Variants in FRRS1 observed in about 807,000 individuals in gnomAD.
The protein encoded by FRRS1 is ferric chelate reductase 1.
In FRRS1, 51 loss-of-function variants were observed where a neutral mutation model predicts 70.7. The observed-to-expected ratio is 0.72, with a 90% CI of 0.58 to 0.91. FRRS1 has a LOEUF of 0.91. Among genes scored for constraint, FRRS1 ranks in the 40% least tolerant of loss-of-function variants. The pLI is 0.00. For missense variants in FRRS1, 672 were observed against 726.0 expected (o/e 0.93, Z 0.86); for synonymous variants, 225 against 238.7 (o/e 0.94, Z 0.53).
chr1:99,712,783 G>A (rs1328858743), intron 12 of FRRS1, among the ~76,000 whole-genome samples: 1 of 152,208 alleles, frequency 6.6e-6, no homozygotes, highest in Non-Finnish European at 1.5e-5. Flanking sequence ...GAGGCTCAGA[G>A]ATATCAAGAA....
rs1654483519 is a variant in FRRS1, at chr1:99,715,646, T to C, written c.1263A>G (p.Thr421=). ...CAAAAGCAATGCAGGTGAGGACAGT[T>C]GTGGTGAACATGAGCATCCGATGCA... ...FQVHRMLMFT[T]TVLTCIAFVM... is the part of the protein sequence containing the mutation. The change falls in exon 12 of 17, where the codon ACA becomes ACG. Residue 421 remains threonine, a synonymous_variant. Transcript: ENST00000646001. 1 of 1,613,440 alleles carries C rather than the reference T, an allele frequency of 6.2e-7. No individual in the cohort carries two copies. Among genetic ancestry groups the C allele is most frequent in the Non-Finnish European group, 8.5e-7 (1 of 1,179,404 alleles).
intron 10 of FRRS1, 126 bp downstream of exon 10, chr1:99,719,407 CA>C (rs71854810): frequency 0.15 from 58,880 of 384,446 alleles, 16 homozygotes; most frequent in Non-Finnish European, 0.17. Context: ...GACTCCATCT[CA>C]AAAAAAAAAA....
At chr1:99,750,750 T>C (rs1384767063) in intron 1 of FRRS1, among the ~76,000 whole-genome samples, 1 of 150,682 alleles carries the variant, frequency 6.6e-6, no homozygotes, top group East Asian at 1.9e-4. Flanking sequence ...AAATGTGGAA[T>C]CGGAATTCCA....
intron 1 of FRRS1, among the ~76,000 whole-genome samples, chr1:99,750,066 C>T (rs1202930334): frequency 2.6e-5 from 4 of 152,156 alleles, no homozygotes; most frequent in Non-Finnish European, 4.4e-5. Context: ...TATTTAACCG[C>T]AGCCTAACCT....
chr1:99,705,389 A>C lies in FRRS1; in HGVS notation c.*3639T>G, dbSNP rs1176600492. ...GTGGATAGGAACTGTGAATATCCTA[A>C]TCTGATTTAAAAAGGACTCTTAGAA... On this transcript the variant is annotated 3_prime_UTR_variant, in exon 17 of 17. Transcript: ENST00000646001. 6.6e-6 allele frequency among the ~76,000 whole-genome samples: 1 copy of C among 152,228 alleles called. No homozygotes were observed. Among genetic ancestry groups the C allele is most frequent in the Non-Finnish European group, 1.5e-5 (1 of 68,032 alleles).
intron 1 of FRRS1, among the ~76,000 whole-genome samples, chr1:99,757,056 T>G (rs1656870542): frequency 6.7e-6 from 1 of 150,342 alleles, no homozygotes; most frequent in African/African-American, 2.5e-5. Context: ...CTATAAAATA[T>G]CTACATAATT....
chr1:99,729,669 T>A lies in FRRS1; in HGVS notation c.839A>T (p.His280Leu), dbSNP rs759640053. 3.1e-6 allele frequency: 5 copies of A among 1,611,950 alleles called. No homozygotes were observed. The African/African-American group carries it at 5.3e-5, about 17-fold the overall frequency. The change falls in exon 8 of 17, where the codon CAC (histidine) becomes CTC (leucine). Residue 280 changes from histidine (H) to leucine (L), a missense_variant. Physicochemically the swap from His to Leu is moderately conservative, Grantham distance 99 (BLOSUM62 -3). Transcript: ENST00000646001. ...IQPSHLTGRS[H>L]PVMDSRDTLE... ...ACCTACCCTGGAGTCCATTACAGGG[T>A]GACTTCGCCCCGTTAAATGGGAAGG...
chr1:99,744,546 G>C (rs1423064981), intron 4 of FRRS1, among the ~76,000 whole-genome samples: 2 of 152,018 alleles, frequency 1.3e-5, no homozygotes, highest in African/African-American at 2.4e-5. Flanking sequence ...CAGCACTTTG[G>C]GAGGCCAAGG....
In FRRS1 at chr1:99,708,625, AATATATATATATATATATATATATATAT is replaced by A. The variant is rs1232091644; in HGVS notation, c.*375_*402del. On this transcript the variant is annotated 3_prime_UTR_variant, in exon 17 of 17. Transcript: ENST00000646001. Reference sequence around the variant, plus strand: ...AAAAAAAAAAAAAAAAAAAAAAAAAAATATATATATATATATATATATATATATATATATATATCGTAATATATCTCTT... The same window carrying A: ...AAAAAAAAAAAAAAAAAAAAAAAAAAATATATATATCGTAATATATCTCTT... The A allele has an allele frequency of 1.9e-5, 1 of 52,734 alleles. No homozygotes were observed. Among genetic ancestry groups the A allele is most frequent in the African/African-American group, 8.6e-5 (1 of 11,676 alleles). 3.3% of individuals were successfully genotyped at this position (52,734 alleles called of 1,614,324 possible). A position where few individuals can be genotyped will look rare whatever the true frequency, so the allele number is the denominator to read the frequency against.
chr1:99,733,638 A>G (rs1411288903), intron 7 of FRRS1, among the ~76,000 whole-genome samples: 1 of 152,244 alleles, frequency 6.6e-6, no homozygotes, highest in Non-Finnish European at 1.5e-5. Flanking sequence ...AATGGACAAA[A>G]GAAACCCATT....
At chr1:99,717,287 G>A (rs1304984266) in intron 11 of FRRS1, 123 bp downstream of exon 11, 2 of 699,366 alleles carry the variant, frequency 2.9e-6, no homozygotes, top group African/African-American at 3.5e-5. Flanking sequence ...AGGGAAAAAG[G>A]AGGATCCCAA....
At chr1:99,752,808 T>C (rs1656637106) in intron 1 of FRRS1, among the ~76,000 whole-genome samples, 1 of 151,878 alleles carries the variant, frequency 6.6e-6, no homozygotes, top group Non-Finnish European at 1.5e-5. Context: ...AAATGTGACA[T>C]AGAGACACAA....
At chr1:99,741,539 A>T in intron 5 of FRRS1, among the ~76,000 whole-genome samples, 1 of 152,222 alleles carries the variant, frequency 6.6e-6, no homozygotes, top group Non-Finnish European at 1.5e-5. Flanking sequence ...GCATTATAAC[A>T]TTCCATTTCC....
intron 7 of FRRS1, among the ~76,000 whole-genome samples, chr1:99,733,868 T>C (rs1447468593): frequency 6.6e-6 from 1 of 152,170 alleles, no homozygotes; most frequent in Non-Finnish European, 1.5e-5. Flanking sequence ...TCCCACATAT[T>C]ACTTATTACA....
intron 1 of FRRS1, among the ~76,000 whole-genome samples, chr1:99,764,121 G>A (rs1657246312): frequency 2.0e-5 from 3 of 152,114 alleles, no homozygotes; most frequent in Non-Finnish European, 4.4e-5. Flanking sequence ...TAAGTACTTT[G>A]CAAGTATGAA....
intron 1 of FRRS1, among the ~76,000 whole-genome samples, chr1:99,763,418 T>G (rs1177430819): frequency 6.6e-6 from 1 of 152,170 alleles, no homozygotes; most frequent in Admixed American, 6.5e-5. Context: ...TCATGTAATA[T>G]GCAAAAGAGT....
At chr1:99,740,390 C>T (rs142931366) in intron 6 of FRRS1, among the ~76,000 whole-genome samples, 1 of 152,298 alleles carries the variant, frequency 6.6e-6, no homozygotes, top group Non-Finnish European at 1.5e-5. Flanking sequence ...CAGATTCCTA[C>T]AGAGGACTCC....
At chr1:99,744,064 T>A (rs1219168702) in intron 4 of FRRS1, among the ~76,000 whole-genome samples, 1 of 124,354 alleles carries the variant, frequency 8.0e-6, no homozygotes, top group African/African-American at 3.7e-5. Flanking sequence ...AGAACGATTG[T>A]AAAAAAAAAA....
rs554515636 is a variant in FRRS1 at position 99,719,689 on chromosome 1, A to G, written c.1007-42T>C. The G allele has an allele frequency of 6.7e-6, 7 of 1,050,702 alleles. No homozygotes were observed. The Admixed American group carries it at 1.3e-4, about 19-fold the overall frequency. The allele number at this position is 1,050,702 out of a possible 1,614,324, so 65.1% of individuals were successfully genotyped here. A position where few individuals can be genotyped will look rare whatever the true frequency, so the allele number is the denominator to read the frequency against. Reference sequence around the variant, plus strand: ...AAATTAAACATGACAAAGAATAATTACTTCCTCAAATAAAAAAGGAATTGA... The same window carrying G: ...AAATTAAACATGACAAAGAATAATTGCTTCCTCAAATAAAAAAGGAATTGA... On this transcript the variant is annotated intron_variant, in intron 9 of 16. Transcript: ENST00000646001.
Sources: gnomAD v4.1 joint callset for allele counts (sites outside exome capture counted in the v4.1 genomes callset) on GRCh38, gnomAD v4.1.1 for gene constraint, MANE v1.5 for transcripts, NCBI Gene and HGNC (gene_info 2026-07-23, HGNC 2026-07-21) for gene names.